Variants in HDAC8 observed in about 807,000 individuals in gnomAD.
The protein encoded by HDAC8 is histone deacetylase 8.
A neutral mutation model predicts 32.2 loss-of-function variants in HDAC8; 1 was observed. That is an observed-to-expected ratio of 0.03 (90% CI 0.01 to 0.15). HDAC8 has a LOEUF of 0.15. Ranked by LOEUF, HDAC8 falls within the 10% of genes least tolerant of loss-of-function variation. HDAC8 has a pLI of 1.00. For missense variants in HDAC8, 117 were observed against 300.0 expected (o/e 0.39, Z 4.51); for synonymous variants, 108 against 113.9 (o/e 0.95, Z 0.33).
intron 4 of HDAC8, among the ~76,000 whole-genome samples, chrX:72,512,006 T>C (rs2049603437): frequency 1.8e-5 from 2 of 112,081 alleles, no homozygotes; most frequent in Admixed American, 9.5e-5. Context: ...ATATCTTTCA[T>C]CTGTAGGCTG....
intron 9 of HDAC8, among the ~76,000 whole-genome samples, chrX:72,387,093 C>G (rs1471809293): frequency 3.6e-5 from 4 of 112,400 alleles, no homozygotes; most frequent in Admixed American, 9.4e-5. Flanking sequence ...AAATCATAGG[C>G]AGAGCACAAT....
intron 4 of HDAC8, among the ~76,000 whole-genome samples, chrX:72,513,678 G>A (rs2049672831): frequency 9.0e-6 from 1 of 111,061 alleles, no homozygotes; most frequent in Non-Finnish European, 1.9e-5. Context: ...AATGCCTAGA[G>A]AATGAAGAAG....
rs189413424 is a variant in HDAC8, at chrX:72,448,240, C to T, written c.1005+13764G>A. Among the ~76,000 whole-genome samples, 3 of 111,497 alleles carry T rather than the reference C, an allele frequency of 2.7e-5. No individual in the cohort carries two copies. In the East Asian group the frequency reaches 8.5e-4, roughly 32 times the overall value. ...TGGTACTGGTACCAAAACAGATATACAGACCAATGGAACAGAACAGAGGCC... is the reference window on the plus strand; with the variant it reads ...TGGTACTGGTACCAAAACAGATATATAGACCAATGGAACAGAACAGAGGCC... On this transcript the variant is annotated intron_variant, in intron 9 of 10. Coordinates refer to ENST00000373573, the MANE Select transcript of HDAC8 (RefSeq NM_018486.3).
At chrX:72,374,852 G>C (rs782440003) in intron 9 of HDAC8, among the ~76,000 whole-genome samples, 3 of 103,625 alleles carry the variant, frequency 2.9e-5, no homozygotes, top group Non-Finnish European at 5.9e-5. Flanking sequence ...TTGTCACCTG[G>C]GCTGGAAGCA....
At chrX:72,428,290 C>T (rs782123308) in intron 9 of HDAC8, among the ~76,000 whole-genome samples, 2 of 112,084 alleles carry the variant, frequency 1.8e-5, no homozygotes, top group South Asian at 7.5e-4. Context: ...GACGGGGTTT[C>T]ACCACGTTGG....
At chrX:72,388,669 C>T (rs915650950) in intron 9 of HDAC8, among the ~76,000 whole-genome samples, 3 of 110,010 alleles carry the variant, frequency 2.7e-5, no homozygotes, top group Non-Finnish European at 3.8e-5. Context: ...TCTTCCTACC[C>T]CAATTCACAC....
intron 4 of HDAC8, among the ~76,000 whole-genome samples, chrX:72,515,889 G>T (rs782535200): frequency 2.7e-5 from 3 of 112,142 alleles, no homozygotes; most frequent in Non-Finnish European, 5.6e-5. Flanking sequence ...TTTTAAAAGT[G>T]CAGAGGGACT....
chrX:72,433,955 T>C (rs1270873686), intron 9 of HDAC8, among the ~76,000 whole-genome samples: 2 of 112,634 alleles, frequency 1.8e-5, no homozygotes, highest in African/African-American at 3.2e-5. Context: ...TAAATGTTAA[T>C]TCTTTTCTTT....
At chrX:72,551,079 GCACACACACACACA>G (rs56118046) in intron 4 of HDAC8, among the ~76,000 whole-genome samples, 118 of 96,431 alleles carry the variant, frequency 1.2e-3, no homozygotes, top group Non-Finnish European at 2.2e-3. Context: ...TGAAGTCAGC[GCACACACACACACA>G]CACACACACA....
chrX:72,544,158 G>A (rs1175682492), intron 4 of HDAC8, among the ~76,000 whole-genome samples: 1 of 112,129 alleles, frequency 8.9e-6, no homozygotes, highest in Non-Finnish European at 1.9e-5. Context: ...CTCTCTGAAA[G>A]GAAGTATGTC....
At position 72,364,349 on chromosome X, in the gene HDAC8, G is replaced by A. The variant is rs556006306; in HGVS notation, c.1006-12511C>T. ...CTTCTTTCTCTTTGCAGGAGTTCGC[G>A]CCCTCTGTTGGTGTTGTAATCACGC... is the stretch of plus-strand genomic sequence containing the variant. On this transcript the variant is annotated intron_variant, in intron 9 of 10. Transcript: ENST00000373573. 5.4e-5 allele frequency among the ~76,000 whole-genome samples: 6 copies of A among 111,091 alleles called. No homozygotes were observed. In the South Asian group the frequency reaches 2.3e-3, roughly 43 times the overall value.
intron 9 of HDAC8, among the ~76,000 whole-genome samples, chrX:72,374,688 T>A (rs952902276): frequency 2.7e-5 from 3 of 111,345 alleles, no homozygotes; most frequent in Non-Finnish European, 5.7e-5. Context: ...AAAAAAAATG[T>A]ATTCTGGATA....
intron 5 of HDAC8, among the ~76,000 whole-genome samples, chrX:72,491,619 T>A (rs1462862236): frequency 8.9e-6 from 1 of 112,169 alleles, no homozygotes; most frequent in Non-Finnish European, 1.9e-5. Context: ...GCCGTGACCT[T>A]GTCTCCTAAT....
intron 4 of HDAC8, among the ~76,000 whole-genome samples, chrX:72,551,850 C>T (rs1423118977): frequency 1.8e-5 from 2 of 111,829 alleles, no homozygotes; most frequent in East Asian, 5.6e-4. Context: ...TCCTATTTGC[C>T]CTCAGACTCT....
intron 9 of HDAC8, among the ~76,000 whole-genome samples, chrX:72,368,036 G>T (rs960137332): frequency 8.8e-6 from 1 of 113,328 alleles, no homozygotes; most frequent in Non-Finnish European, 1.9e-5. Context: ...CAAAAGGCTG[G>T]CACAAAAGCG....
intron 4 of HDAC8, among the ~76,000 whole-genome samples, chrX:72,555,227 G>T (rs1401458411): frequency 8.9e-6 from 1 of 112,124 alleles, no homozygotes; most frequent in Non-Finnish European, 1.9e-5. Context: ...GGAGCACCCC[G>T]TGGGACAAAA....
At chrX:72,525,813 C>CAAAAAAAAA (rs57801277) in intron 4 of HDAC8, among the ~76,000 whole-genome samples, 1 of 21,550 alleles carries the variant, frequency 4.6e-5, no homozygotes, top group African/African-American at 1.5e-4. Flanking sequence ...GACTCTGTCT[C>CAAAAAAAAA]AAAAAAAAAA....
chrX:72,335,459 G>A (rs1304003609), intron 10 of HDAC8, among the ~76,000 whole-genome samples: 4 of 111,834 alleles, frequency 3.6e-5, no homozygotes, highest in Non-Finnish European at 5.6e-5. Context: ...ATGCATTTAA[G>A]TTTCCTCCAT....
intron 9 of HDAC8, among the ~76,000 whole-genome samples, chrX:72,442,601 T>C (rs1311001900): frequency 9.8e-5 from 11 of 111,800 alleles, no homozygotes; most frequent in African/African-American, 2.3e-4. Flanking sequence ...GTAAAGATCA[T>C]CAAGGCTAGG....
Sources: gnomAD v4.1 joint callset for allele counts (sites outside exome capture counted in the v4.1 genomes callset) on GRCh38, gnomAD v4.1.1 for gene constraint, MANE v1.5 for transcripts, NCBI Gene and HGNC (gene_info 2026-07-23, HGNC 2026-07-21) for gene names.